SNX13: variants seen among roughly 807,000 people sequenced by gnomAD.
SNX13 encodes the protein sorting nexin-13.
SNX13 carries 45 observed loss-of-function variants against 133.6 expected under a neutral mutation model. The ratio of observed to expected loss-of-function variants is 0.34; its 90% confidence interval spans 0.27 to 0.43. SNX13 has a LOEUF of 0.43. Among genes scored for constraint, SNX13 ranks in the 20% least tolerant of loss-of-function variants. SNX13 has a pLI of 1.00. For missense variants in SNX13, 1,032 were observed against 1,145.1 expected (o/e 0.90, Z 1.43); for synonymous variants, 414 against 373.9 (o/e 1.11, Z -1.24).
At chr7:17,939,390 T>C (rs1283315680) in intron 1 of SNX13, among the ~76,000 whole-genome samples, 1 of 152,232 alleles carries the variant, frequency 6.6e-6, no homozygotes, top group Admixed American at 6.5e-5. Flanking sequence ...AGGTTCAGTA[T>C]TTTATGTTCA....
At chr7:17,911,615 G>A (rs1242967030) in intron 1 of SNX13, among the ~76,000 whole-genome samples, 1 of 146,254 alleles carries the variant, frequency 6.8e-6, no homozygotes, top group Non-Finnish European at 1.5e-5. Context: ...TCCAGCCACG[G>A]CAACAGAGCG....
intron 5 of SNX13, among the ~76,000 whole-genome samples, chr7:17,883,792 C>T (rs28480077): frequency 3.9e-5 from 6 of 151,980 alleles, no homozygotes; most frequent in Non-Finnish European, 8.8e-5. Flanking sequence ...CATCTCATCA[C>T]GCCACTCATG....
At chr7:17,826,610 C>A in intron 16 of SNX13, among the ~76,000 whole-genome samples, 1 of 151,918 alleles carries the variant, frequency 6.6e-6, no homozygotes. Context: ...ATTTAGAAAA[C>A]TGCCTAATAT....
intron 18 of SNX13, among the ~76,000 whole-genome samples, chr7:17,816,667 A>T (rs940056427): frequency 6.6e-6 from 1 of 152,050 alleles, no homozygotes; most frequent in Non-Finnish European, 1.5e-5. Context: ...CCGTCTCAAA[A>T]AACAACAACA....
intron 1 of SNX13, among the ~76,000 whole-genome samples, chr7:17,918,937 GCAGCAACA>G (rs1799841558): frequency 6.6e-6 from 1 of 152,150 alleles, no homozygotes; most frequent in Non-Finnish European, 1.5e-5. Context: ...CATGTCCTTT[GCAGCAACA>G]TGGATGCAGG....
intron 8 of SNX13, 95 bp from the exon 9 acceptor site, chr7:17,868,585 A>G: frequency 1.1e-6 from 1 of 918,752 alleles, no homozygotes; most frequent in Non-Finnish European, 1.6e-6. Context: ...TACTTAAGAA[A>G]AGTATGATAT....
chr7:17,858,652 AAT>A (rs1792232526), intron 9 of SNX13, among the ~76,000 whole-genome samples: 1 of 152,142 alleles, frequency 6.6e-6, no homozygotes, highest in Non-Finnish European at 1.5e-5. Context: ...TTATGTGAAA[AAT>A]AGTCAAAACA....
chr7:17,848,108 T>C (rs1286528194), intron 11 of SNX13, among the ~76,000 whole-genome samples: 1 of 152,022 alleles, frequency 6.6e-6, no homozygotes, highest in East Asian at 1.9e-4. Flanking sequence ...CCTGTGCCTA[T>C]AAAAAACCGA....
intron 9 of SNX13, among the ~76,000 whole-genome samples, chr7:17,855,622 G>A (rs911560177): frequency 2.0e-5 from 3 of 152,202 alleles, no homozygotes; most frequent in African/African-American, 4.8e-5. Flanking sequence ...ATAATAGCAT[G>A]TCTGTTTACA....
rs1365758650 is a variant in SNX13 at position 17,793,695 on chromosome 7, T to G, written c.*350A>C. 5.6e-6 allele frequency: 1 copy of G among 178,746 alleles called. No individual in the cohort carries two copies. Among genetic ancestry groups the G allele is most frequent in the Admixed American group, 5.7e-5 (1 of 17,400 alleles). 11.1% of individuals were successfully genotyped at this position (178,746 alleles called of 1,614,324 possible). ...GCCAATTTATCTCTGAACCATTGTT[T>G]TGTGCTTTCCTTAGCTTTCATATAT... On this transcript the variant is annotated 3_prime_UTR_variant, in exon 26 of 26. Transcript: ENST00000428135.
At chr7:17,868,319 T>G (rs1469698844) in intron 9 of SNX13, 88 bp downstream of exon 9, 1 of 866,606 alleles carries the variant, frequency 1.2e-6, no homozygotes, top group African/African-American at 1.7e-5. Flanking sequence ...TTTAATAAAT[T>G]ACTGCTTAAA....
intron 22 of SNX13, among the ~76,000 whole-genome samples, chr7:17,801,009 C>CATATATATATATATAT (rs71010273): frequency 5.8e-5 from 7 of 120,216 alleles, no homozygotes; most frequent in South Asian, 2.4e-4. Flanking sequence ...TAAAACTGAA[C>CATATATATATATATAT]ATATATATAT....
intron 1 of SNX13, among the ~76,000 whole-genome samples, chr7:17,906,542 A>AT (rs2128011786): frequency 6.6e-6 from 1 of 152,252 alleles, no homozygotes; most frequent in Non-Finnish European, 1.5e-5. Context: ...AGAAAAAAAA[A>AT]ATCACACCTC....
chr7:17,939,011 C>G (rs1262863511), intron 1 of SNX13, among the ~76,000 whole-genome samples: 1 of 152,134 alleles, frequency 6.6e-6, no homozygotes, highest in Non-Finnish European at 1.5e-5. Context: ...AAATGAACTT[C>G]AAACAACTAA....
At chr7:17,797,665 G>T (rs1453773097) in intron 24 of SNX13, among the ~76,000 whole-genome samples, 1 of 151,734 alleles carries the variant, frequency 6.6e-6, no homozygotes, top group Non-Finnish European at 1.5e-5. Flanking sequence ...CAGACTCCCT[G>T]GACATGGGAT....
intron 12 of SNX13, among the ~76,000 whole-genome samples, chr7:17,841,721 A>G (rs921601466): frequency 1.3e-5 from 2 of 151,988 alleles, no homozygotes; most frequent in Non-Finnish European, 2.9e-5. Context: ...CTTTAAAACA[A>G]CTACCTTAAA....
chr7:17,871,922 G>C (rs1794169092), intron 8 of SNX13, among the ~76,000 whole-genome samples: 1 of 152,106 alleles, frequency 6.6e-6, no homozygotes, highest in Non-Finnish European at 1.5e-5. Context: ...CTTGAGATCT[G>C]AAAAATTTAC....
rs759510112 is a variant in SNX13 at position 17,873,663 on chromosome 7, C to T, written c.665-47G>A. The T allele has an allele frequency of 2.6e-6, 3 of 1,154,134 alleles. No individual in the cohort carries two copies. The African/African-American group carries it at 4.8e-5, about 18-fold the overall frequency. 71.5% of individuals were successfully genotyped at this position (1,154,134 alleles called of 1,614,324 possible). On this transcript the variant is annotated intron_variant, in intron 7 of 25. Coordinates refer to ENST00000428135, the MANE Select transcript of SNX13 (RefSeq NM_015132.5). The stretch of plus-strand genomic sequence containing the variant: ...ATCATAACATTAGAAAATATAAAGT[C>T]TACACTTCCTCTTGATATATAAGAT...
intron 22 of SNX13, among the ~76,000 whole-genome samples, chr7:17,801,311 G>A (rs1326727689): frequency 1.3e-5 from 2 of 151,560 alleles, no homozygotes; most frequent in African/African-American, 4.8e-5. Flanking sequence ...TATATACAAA[G>A]TATAAAAGCA....
Sources: allele counts gnomAD v4.1 joint callset (sites outside exome capture counted in the v4.1 genomes callset), GRCh38; gene constraint gnomAD v4.1.1; transcripts MANE v1.5; gene names NCBI Gene and HGNC (gene_info 2026-07-23, HGNC 2026-07-21).